CRISPLD2: variants seen among roughly 807,000 people sequenced by gnomAD.
CRISPLD2 encodes cysteine-rich secretory protein LCCL domain-containing 2.
In CRISPLD2, 47 loss-of-function variants were observed where a neutral mutation model predicts 71.1. That is an observed-to-expected ratio of 0.66 (90% CI 0.52 to 0.84). The LOEUF (loss-of-function observed/expected upper bound fraction) is 0.84, where lower values mean the gene tolerates loss of function less well. Ranked by LOEUF, CRISPLD2 falls within the 40% of genes least tolerant of loss-of-function variation. CRISPLD2 has a pLI of 0.00. For missense variants in CRISPLD2, 830 were observed against 651.1 expected (o/e 1.27, Z -2.99); for synonymous variants, 317 against 250.1 (o/e 1.27, Z -2.52).
intron 14 of CRISPLD2, among the ~76,000 whole-genome samples, chr16:84,900,051 C>A (rs1037640505): frequency 6.6e-6 from 1 of 152,160 alleles, no homozygotes; most frequent in Admixed American, 6.5e-5. Context: ...CAGAAACCAG[C>A]AGGGCCGCCA....
At chr16:84,881,523 C>G (rs574819420) in intron 13 of CRISPLD2, among the ~76,000 whole-genome samples, 22 of 152,338 alleles carry the variant, frequency 1.4e-4, no homozygotes, top group African/African-American at 5.1e-4. Flanking sequence ...GTGATCTTGT[C>G]AAGCTGTTTC....
chr16:84,831,064 C>A (rs1048956482), intron 1 of CRISPLD2, among the ~76,000 whole-genome samples: 1 of 152,146 alleles, frequency 6.6e-6, no homozygotes, highest in African/African-American at 2.4e-5. Flanking sequence ...GCTCGGGGTC[C>A]AGGGAGGGAG....
intron 6 of CRISPLD2, among the ~76,000 whole-genome samples, chr16:84,855,814 C>G (rs1917224231): frequency 6.6e-6 from 1 of 152,300 alleles, no homozygotes; most frequent in African/African-American, 2.4e-5. Context: ...CTTCGTAAAA[C>G]TGGAAACTCA....
At chr16:84,841,147 C>T (rs1916760014) in intron 2 of CRISPLD2, among the ~76,000 whole-genome samples, 1 of 152,116 alleles carries the variant, frequency 6.6e-6, no homozygotes, top group South Asian at 2.1e-4. Context: ...CGGGGAGCTG[C>T]AAGAAAGAAC....
chr16:84,849,124 T>C (rs1218805629), intron 3 of CRISPLD2: 3 of 457,084 alleles, frequency 6.6e-6, no homozygotes, highest in African/African-American at 2.0e-5. Flanking sequence ...ATTAAGCACC[T>C]GTACCAGGTG....
Position 84,906,843 on chromosome 16 carries a change from G to A in CRISPLD2, c.*201G>A. 1 of 678,578 alleles carries A rather than the reference G, an allele frequency of 1.5e-6. No individual in the cohort carries two copies. Among genetic ancestry groups the A allele is most frequent in the Non-Finnish European group, 2.6e-6 (1 of 380,522 alleles). 42.0% of individuals were successfully genotyped at this position (678,578 alleles called of 1,614,324 possible). ...AACAGCATCCCAAGGTGCTCAGCCG[G>A]ACTCCCTGGTGCCTGATCCTGCTGG... On this transcript the variant is annotated 3_prime_UTR_variant, in exon 15 of 15. Coordinates refer to ENST00000262424, the MANE Select transcript of CRISPLD2 (RefSeq NM_031476.4).
Position 84,909,249 on chromosome 16 carries a change from A to G in CRISPLD2, c.*2607A>G, listed in dbSNP as rs1049906380. 1 of 152,578 alleles carries G rather than the reference A, an allele frequency of 6.6e-6. No homozygotes were observed. Among genetic ancestry groups the G allele is most frequent in the Non-Finnish European group, 1.5e-5 (1 of 68,034 alleles). The allele number at this position is 152,578 out of a possible 1,614,324, so 9.5% of individuals were successfully genotyped here. ...AGGAGTTTTGCCCTACCGTATTCCA[A>G]AGCGTGTGCTGGTTTCTCATATTGT... On this transcript the variant is annotated 3_prime_UTR_variant, in exon 15 of 15. Coordinates refer to ENST00000262424, the MANE Select transcript of CRISPLD2 (RefSeq NM_031476.4).
At chr16:84,862,188 G>A (rs1333562847) in intron 6 of CRISPLD2, among the ~76,000 whole-genome samples, 2 of 151,958 alleles carry the variant, frequency 1.3e-5, no homozygotes, top group African/African-American at 4.8e-5. Context: ...CTGTTGGGGC[G>A]GTGCGATTTT....
chr16:84,882,750 C>T (rs2071579900), intron 13 of CRISPLD2, among the ~76,000 whole-genome samples: 1 of 152,196 alleles, frequency 6.6e-6, no homozygotes, highest in Non-Finnish European at 1.5e-5. Context: ...TAGGTCCTTT[C>T]TTTAAAAACA....
intron 12 of CRISPLD2, among the ~76,000 whole-genome samples, chr16:84,878,300 A>G (rs2143308029): frequency 7.2e-6 from 1 of 139,764 alleles, no homozygotes; most frequent in African/African-American, 3.4e-5. Flanking sequence ...AAGTGTAGAC[A>G]TTGTCAGCAC....
At chr16:84,865,695 G>A (rs777291298) in intron 6 of CRISPLD2, among the ~76,000 whole-genome samples, 5 of 152,098 alleles carry the variant, frequency 3.3e-5, no homozygotes, top group African/African-American at 4.8e-5. Flanking sequence ...TGATCAGGCC[G>A]CTCAGGCAAA....
At chr16:84,863,785 A>G (rs2143260375) in intron 6 of CRISPLD2, among the ~76,000 whole-genome samples, 1 of 152,196 alleles carries the variant, frequency 6.6e-6, no homozygotes, top group African/African-American at 2.4e-5. Context: ...CCTGACCAAC[A>G]TGGAGAAACC....
intron 14 of CRISPLD2, among the ~76,000 whole-genome samples, chr16:84,891,369 C>T (rs1346625744): frequency 1.3e-5 from 2 of 152,194 alleles, no homozygotes; most frequent in African/African-American, 4.8e-5. Context: ...CACAGCATCA[C>T]TTGTACCCAG....
chr16:84,850,615 C>T lies in CRISPLD2; in HGVS notation c.540C>T (p.Cys180=). The part of the protein sequence containing the change: ...TNKIGCAVNT[C]RKMTVWGEVW... ...AGATCGGTTGTGCTGTGAACACCTG[C>T]CGGAAGATGACTGTCTGGGGAGAAG... The change falls in exon 5 of 15, where the codon TGC becomes TGT. Residue 180 remains cysteine, a synonymous_variant. Transcript: ENST00000262424. 2 of 1,614,136 alleles carry T rather than the reference C, an allele frequency of 1.2e-6. No homozygotes were observed. The highest frequency in any genetic ancestry group is 1.7e-6 in the Non-Finnish European group (2 of 1,180,032).
intron 14 of CRISPLD2, among the ~76,000 whole-genome samples, chr16:84,890,971 T>C (rs1029321233): frequency 1.3e-5 from 2 of 152,164 alleles, no homozygotes; most frequent in African/African-American, 4.8e-5. Context: ...CTCGCCCTGT[T>C]GGCCAGGCTG....
intron 7 of CRISPLD2, 32 bp downstream of exon 7, chr16:84,867,072 C>A: frequency 6.2e-7 from 1 of 1,603,990 alleles, no homozygotes; most frequent in Non-Finnish European, 8.5e-7. Flanking sequence ...CCCCTCCTGC[C>A]CTCCCAGCCA....
intron 6 of CRISPLD2, among the ~76,000 whole-genome samples, chr16:84,862,005 G>C (rs1357503276): frequency 6.6e-6 from 1 of 152,166 alleles, no homozygotes; most frequent in Non-Finnish European, 1.5e-5. Context: ...TCACTAGTGG[G>C]AAGTACCTGC....
intron 14 of CRISPLD2, among the ~76,000 whole-genome samples, 189 bp downstream of exon 14, chr16:84,889,552 AAT>A (rs2071643068): frequency 6.6e-6 from 1 of 151,328 alleles, no homozygotes; most frequent in Admixed American, 6.6e-5. Flanking sequence ...GAAACTAGGG[AAT>A]GCTTTTCCCT....
chr16:84,865,298 GGCAC>G (rs1266155300), intron 6 of CRISPLD2, among the ~76,000 whole-genome samples: 15 of 152,138 alleles, frequency 9.9e-5, no homozygotes, highest in African/African-American at 3.4e-4. Flanking sequence ...TGGGACTACA[GGCAC>G]CCGCCATCAT....
Sources: gnomAD v4.1 joint callset for allele counts (sites outside exome capture counted in the v4.1 genomes callset) on GRCh38, gnomAD v4.1.1 for gene constraint, MANE v1.5 for transcripts, NCBI Gene and HGNC (gene_info 2026-07-23, HGNC 2026-07-21) for gene names.